The following ATP6V0D2 variants were observed in gnomAD, a reference collection of about 807,000 sequenced individuals.
The protein encoded by ATP6V0D2 is V-type proton ATPase subunit d 2.
In ATP6V0D2, 40 loss-of-function variants were observed where a neutral mutation model predicts 40.0. That is an observed-to-expected ratio of 1.00 (90% CI 0.78 to 1.30). The LOEUF is 1.30. Ranked by LOEUF, ATP6V0D2 falls within the 50% of genes most tolerant of loss-of-function variation. The pLI, the probability that ATP6V0D2 is intolerant of heterozygous loss-of-function variation, is 0.00. For synonymous variants in ATP6V0D2, 179 were observed against 156.3 expected, an observed-to-expected ratio of 1.15 and a Z score of -1.08; for missense variants, 470 against 423.1, an observed-to-expected ratio of 1.11 and a Z score of -0.97.
intron 5 of ATP6V0D2, among the ~76,000 whole-genome samples, chr8:86,149,382 G>A (rs1282176933): frequency 2.6e-5 from 4 of 152,080 alleles, no homozygotes; most frequent in Admixed American, 1.3e-4. Flanking sequence ...GAAGGGATAC[G>A]AGCCCAGGTG....
intron 1 of ATP6V0D2, among the ~76,000 whole-genome samples, chr8:86,104,531 A>T (rs1356876972): frequency 6.6e-6 from 1 of 152,162 alleles, no homozygotes; most frequent in African/African-American, 2.4e-5. Flanking sequence ...AAATTTTAAA[A>T]ATATACTTCC....
chr8:86,134,769 C>A (rs2626327), intron 2 of ATP6V0D2, among the ~76,000 whole-genome samples: 126,369 of 152,094 alleles, frequency 0.83, 52,603 homozygotes, highest in Middle Eastern at 0.88. Flanking sequence ...TAGAAAAAAA[C>A]CACAAATGTC....
rs151068074 is a variant in ATP6V0D2 at position 86,113,444 on chromosome 8, G to A, written c.131-265G>A. 6.1e-3 allele frequency among the ~76,000 whole-genome samples: 926 copies of A among 152,224 alleles called. 11 individuals are homozygous for A. Among genetic ancestry groups the A allele is most frequent in the African/African-American group, 0.021 (892 of 41,558 alleles). ...TTGCCGTGAGCTGAGATCGCACCAC[G>A]GCACTCCTGCCTGGGCTACAGAGGG... On this transcript the variant is annotated intron_variant, in intron 1 of 7. Transcript: ENST00000285393.
At chr8:86,130,331 T>C (rs1363752005) in intron 2 of ATP6V0D2, among the ~76,000 whole-genome samples, 1 of 152,190 alleles carries the variant, frequency 6.6e-6, no homozygotes, top group Non-Finnish European at 1.5e-5. Flanking sequence ...TTAATATCGA[T>C]TCATTAATTA....
rs574370528 is a variant in ATP6V0D2, at chr8:86,114,464, A to C, written c.302+584A>C. 4.1e-3 allele frequency among the ~76,000 whole-genome samples: 621 copies of C among 152,160 alleles called. 3 individuals carry two copies. Among genetic ancestry groups the C allele is most frequent in the African/African-American group, 0.014 (592 of 41,520 alleles). On this transcript the variant is annotated intron_variant, in intron 2 of 7. Transcript: ENST00000285393. Reference sequence around the variant, plus strand: ...AGGTGGGTGGATCACGAGGTCAGGAATTCGAGACCAGCCTGACCAATATGG... The same window carrying C: ...AGGTGGGTGGATCACGAGGTCAGGACTTCGAGACCAGCCTGACCAATATGG...
intron 2 of ATP6V0D2, among the ~76,000 whole-genome samples, chr8:86,134,499 A>G (rs1205007431): frequency 6.6e-6 from 1 of 152,198 alleles, no homozygotes; most frequent in Admixed American, 6.5e-5. Context: ...GTGGTTCTCG[A>G]TATACATAGA....
chr8:86,150,475 A>G (rs1042242226), intron 6 of ATP6V0D2, among the ~76,000 whole-genome samples, 187 bp downstream of exon 6: 5 of 152,014 alleles, frequency 3.3e-5, no homozygotes, highest in Non-Finnish European at 7.3e-5. Flanking sequence ...CCAAGCTGCT[A>G]ATTTTTAAAG....
chr8:86,100,258 A>G (rs981070814), intron 1 of ATP6V0D2, among the ~76,000 whole-genome samples: 4 of 152,152 alleles, frequency 2.6e-5, no homozygotes, highest in Non-Finnish European at 5.9e-5. Context: ...CGTCTGTAAC[A>G]GTATTTTTAT....
intron 2 of ATP6V0D2, among the ~76,000 whole-genome samples, chr8:86,119,232 C>G (rs368442899): frequency 7.9e-6 from 1 of 125,966 alleles, no homozygotes; most frequent in South Asian, 2.6e-4. Context: ...ATCATAGGAT[C>G]TTTTTTTTTT....
intron 2 of ATP6V0D2, among the ~76,000 whole-genome samples, chr8:86,127,113 A>C (rs1818755308): frequency 6.6e-6 from 1 of 152,202 alleles, no homozygotes; most frequent in South Asian, 2.1e-4. Context: ...GGGAAGCTTC[A>C]GAGAAGGAAG....
intron 1 of ATP6V0D2, among the ~76,000 whole-genome samples, chr8:86,106,629 T>C (rs1184394620): frequency 1.3e-5 from 2 of 152,208 alleles, no homozygotes; most frequent in African/African-American, 4.8e-5. Flanking sequence ...CATTTTATGG[T>C]TTTGGATAGT....
chr8:86,126,894 C>A (rs1424426882), intron 2 of ATP6V0D2, among the ~76,000 whole-genome samples: 2 of 152,128 alleles, frequency 1.3e-5, no homozygotes, highest in Non-Finnish European at 2.9e-5. Context: ...ATCTTAAATA[C>A]TGAAGAGGTT....
intron 6 of ATP6V0D2, 126 bp from the exon 7 acceptor site, chr8:86,151,340 A>G: frequency 1.4e-6 from 1 of 703,114 alleles, no homozygotes; most frequent in Non-Finnish European, 2.3e-6. Flanking sequence ...CCTATAAAAA[A>G]ACATTCAGTC....
chr8:86,099,284 T>A (rs1178594043), intron 1 of ATP6V0D2, among the ~76,000 whole-genome samples, 176 bp downstream of exon 1: 5 of 151,852 alleles, frequency 3.3e-5, no homozygotes, highest in Non-Finnish European at 7.4e-5. Flanking sequence ...GAAAAAAAAA[T>A]AAATCTCTAT....
intron 2 of ATP6V0D2, among the ~76,000 whole-genome samples, chr8:86,130,738 C>A (rs193228096): frequency 6.6e-6 from 1 of 152,158 alleles, no homozygotes; most frequent in East Asian, 1.9e-4. Flanking sequence ...CAGAGTGAAG[C>A]CCTCCTTCCT....
At chr8:86,126,236 C>CTATA (rs60590702) in intron 2 of ATP6V0D2, among the ~76,000 whole-genome samples, 3,694 of 77,100 alleles carry the variant, frequency 0.048, 359 homozygotes, top group Non-Finnish European at 0.052. Context: ...CGTGCTCAGC[C>CTATA]TATATATATA....
chr8:86,123,102 G>A (rs1225469950), intron 2 of ATP6V0D2, among the ~76,000 whole-genome samples: 2 of 152,142 alleles, frequency 1.3e-5, no homozygotes, highest in Admixed American at 6.5e-5. Flanking sequence ...GAACACTTCC[G>A]CTACCTCTGA....
chr8:86,110,085 T>TTATTTTATTTTA (rs1818512758), intron 1 of ATP6V0D2, among the ~76,000 whole-genome samples: 1 of 152,134 alleles, frequency 6.6e-6, no homozygotes, highest in African/African-American at 2.4e-5. Context: ...ACATGATGTT[T>TTATTTTATTTTA]TATTTTATTT....
intron 2 of ATP6V0D2, among the ~76,000 whole-genome samples, chr8:86,138,492 C>A (rs1303734848): frequency 6.6e-6 from 1 of 152,118 alleles, no homozygotes; most frequent in African/African-American, 2.4e-5. Context: ...TAGGTGCTGA[C>A]TACATGAGTG....
Sources: gnomAD v4.1 joint callset for allele counts (sites outside exome capture counted in the v4.1 genomes callset) on GRCh38, gnomAD v4.1.1 for gene constraint, MANE v1.5 for transcripts, NCBI Gene and HGNC (gene_info 2026-07-23, HGNC 2026-07-21) for gene names.